ZNF853: variants seen among roughly 807,000 people sequenced by gnomAD.
ZNF853 encodes zinc finger protein 853.
Under a neutral mutation model 94.7 loss-of-function variants are expected in ZNF853, and 57 were observed. The ratio of observed to expected loss-of-function variants is 0.60; its 90% CI spans 0.49 to 0.75. ZNF853 has a LOEUF of 0.75. Ranked by LOEUF, ZNF853 falls within the 30% of genes least tolerant of loss-of-function variation. The pLI, the probability that ZNF853 is intolerant of heterozygous loss-of-function variation, is 0.00. For synonymous variants in ZNF853, 448 were observed against 406.3 expected (o/e 1.10, Z -1.23); for missense variants, 785 against 868.9 (o/e 0.90, Z 1.21).
At chr7:6,620,049 A>C in intron 2 of ZNF853, among the ~76,000 whole-genome samples, 1 of 152,200 alleles carries the variant, frequency 6.6e-6, no homozygotes, top group African/African-American at 2.4e-5. Flanking sequence ...GGCTCCAGGT[A>C]CTATGCCAGG....
chr7:6,622,753 C>G lies in ZNF853; in HGVS notation c.1762C>G (p.Arg588Gly). 6.4e-7 allele frequency: 1 copy of G among 1,552,060 alleles called. No homozygotes were observed. Among genetic ancestry groups the G allele is most frequent in the Non-Finnish European group, 8.7e-7 (1 of 1,151,282 alleles). The change falls in exon 3 of 3, where the codon CGG becomes GGG. Residue 588 changes from arginine to glycine, a missense_variant. By Grantham distance (125) the Arg-to-Gly change is moderately radical. Transcript: ENST00000457543. ...CGTCTCCTCCAACCTGCTGCGCCAC[C>G]GGCGCACGCACTCGGGCGAGCGGCC... ...FSVSSNLLRH[R>G]RTHSGERPYV... is the part of the protein sequence containing the mutation.
chr7:6,616,730 G>C, intron 1 of ZNF853, among the ~76,000 whole-genome samples: 1 of 149,180 alleles, frequency 6.7e-6, no homozygotes, highest in Admixed American at 6.7e-5. Flanking sequence ...GTGAGAATCC[G>C]TATCAAGAAA....
At position 6,623,074 on chromosome 7, in the gene ZNF853, A is replaced by G; in HGVS notation, c.*103A>G. Reference sequence around the variant, plus strand: ...ATGGGCGCTGGAGGCGTCCTGGAATATCCCTGGAGTAAAAGGCTTCCACCA... The same window carrying G: ...ATGGGCGCTGGAGGCGTCCTGGAATGTCCCTGGAGTAAAAGGCTTCCACCA... On this transcript the variant is annotated 3_prime_UTR_variant, in exon 3 of 3. Coordinates refer to ENST00000457543, the MANE Select transcript of ZNF853 (RefSeq NM_017560.3). The G allele has an allele frequency of 3.9e-6, 4 of 1,019,238 alleles. No individual in the cohort carries two copies. Among genetic ancestry groups the G allele is most frequent in the Non-Finnish European group, 5.0e-6 (4 of 793,264 alleles). The allele number at this position is 1,019,238 out of a possible 1,614,324, so 63.1% of individuals were successfully genotyped here.
At chr7:6,616,290 C>A in intron 1 of ZNF853, 104 bp downstream of exon 1, 1 of 1,209,054 alleles carries the variant, frequency 8.3e-7, no homozygotes, top group Non-Finnish European at 1.2e-6. Context: ...GAGGGGCCAG[C>A]TCTGCACGGG....
At position 6,622,244 on chromosome 7, in the gene ZNF853, C is replaced by A. The variant is rs1782637757; in HGVS notation, c.1253C>A (p.Ala418Asp). The change falls in exon 3 of 3, where the codon GCC becomes GAC. Residue 418 changes from alanine (A) to aspartate (D), a missense_variant. Coordinates refer to ENST00000457543, the MANE Select transcript of ZNF853 (RefSeq NM_017560.3). Reference sequence around the variant, plus strand: ...GAGCTGCAGCTGGAACTGGTGCCAGCCGCAGGGGGCGGCGGAGCGGCGGTC... The same window carrying A: ...GAGCTGCAGCTGGAACTGGTGCCAGACGCAGGGGGCGGCGGAGCGGCGGTC... ...QPELQLELVP[A>D]AGGGGAAVPG... 6.6e-7 allele frequency: 1 copy of A among 1,523,368 alleles called. No homozygotes were observed. Among genetic ancestry groups the A allele is most frequent in the African/African-American group, 1.4e-5 (1 of 72,634 alleles). 94.4% of individuals were successfully genotyped at this position (1,523,368 alleles called of 1,614,324 possible).
chr7:6,621,016 G>A, intron 2 of ZNF853, 106 bp from the exon 3 acceptor site: 38 of 1,364,848 alleles, frequency 2.8e-5, no homozygotes, highest in Middle Eastern at 4.0e-4. Context: ...TGCTAAGAGC[G>A]TGTTAGTGTA....
chr7:6,617,482 A>T, intron 2 of ZNF853, 175 bp downstream of exon 2: 1 of 683,496 alleles, frequency 1.5e-6, no homozygotes, highest in South Asian at 6.6e-5. Context: ...AGGCAGGCTG[A>T]GGCCAGGCTG....
intron 2 of ZNF853, among the ~76,000 whole-genome samples, chr7:6,618,376 A>C: frequency 6.6e-6 from 1 of 152,058 alleles, no homozygotes; most frequent in African/African-American, 2.4e-5. Context: ...TATACACGTC[A>C]GACAACACTG....
rs1279056440 is a variant in ZNF853 at position 6,623,290 on chromosome 7, A to G, written c.*319A>G. The G allele has an allele frequency of 5.0e-6, 2 of 398,502 alleles. No homozygotes were observed. Among genetic ancestry groups the G allele is most frequent in the African/African-American group, 2.1e-5 (1 of 48,600 alleles). The allele number at this position is 398,502 out of a possible 1,614,324, so 24.7% of individuals were successfully genotyped here. A position where few individuals can be genotyped will look rare whatever the true frequency, so the allele number is the denominator to read the frequency against. ...AAAACTGGACTTACTACGAACGAGG[A>G]AAAACCCCCAGTGGCGAGACGATTA... On this transcript the variant is annotated 3_prime_UTR_variant, in exon 3 of 3. Coordinates refer to ENST00000457543, the MANE Select transcript of ZNF853 (RefSeq NM_017560.3).
In ZNF853 at chr7:6,621,405, C is replaced by G; in HGVS notation, c.414C>G (p.His138Gln). The stretch of plus-strand genomic sequence containing the variant: ...TATCTCAACTACAACAGGAAAAACA[C>G]CAATCCGTGCACCATCAGGAACTGA... Reference protein sequence around the residue: ...QQLSQLQQEKHQSVHHQELKP... With the variant: ...QQLSQLQQEKQQSVHHQELKP... Residue 138 changes from histidine to glutamine, a missense_variant, in exon 3 of 3, where the codon CAC becomes CAG. Transcript: ENST00000457543. 1 of 1,551,728 alleles carries G rather than the reference C, an allele frequency of 6.4e-7. No homozygotes were observed. The highest frequency in any genetic ancestry group is 8.7e-7 in the Non-Finnish European group (1 of 1,147,018).
intron 2 of ZNF853, among the ~76,000 whole-genome samples, chr7:6,619,094 C>T: frequency 2.3e-5 from 3 of 131,322 alleles, no homozygotes; most frequent in East Asian, 2.2e-4. Flanking sequence ...GGCTGGATTG[C>T]GGTGGCTCAA....
At chr7:6,618,065 C>T in intron 2 of ZNF853, among the ~76,000 whole-genome samples, 1 of 151,936 alleles carries the variant, frequency 6.6e-6, no homozygotes, top group South Asian at 2.1e-4. Flanking sequence ...TTTGGGAGGC[C>T]GAGGCGGGCA....
rs553469352 is a variant in ZNF853, at chr7:6,624,290, A to G, written c.*1319A>G. On this transcript the variant is annotated 3_prime_UTR_variant, in exon 3 of 3. Transcript: ENST00000457543. ...AAATAAATTAAAATGCAGAAATACA[A>G]TGTCCTTGTCTTGGTGTTTTCACCT... The G allele has an allele frequency of 1.3e-5, 2 of 152,182 alleles. No individual in the cohort carries two copies. The highest frequency in any genetic ancestry group is 2.1e-4 in the South Asian group (1 of 4,812). 9.4% of individuals were successfully genotyped at this position (152,182 alleles called of 1,614,324 possible).
intron 2 of ZNF853, among the ~76,000 whole-genome samples, chr7:6,619,464 A>G: frequency 6.6e-6 from 1 of 151,634 alleles, no homozygotes; most frequent in Non-Finnish European, 1.5e-5. Flanking sequence ...TAGAGATAGG[A>G]TTTCGTCATG....
intron 2 of ZNF853, among the ~76,000 whole-genome samples, chr7:6,618,593 C>G: frequency 6.6e-6 from 1 of 151,928 alleles, no homozygotes; most frequent in African/African-American, 2.4e-5. Flanking sequence ...ACCTATAGTC[C>G]CAGCCACTTG....
At position 6,622,611 on chromosome 7, in the gene ZNF853, C is replaced by A; in HGVS notation, c.1620C>A (p.Pro540=). The change falls in exon 3 of 3, where the codon CCC becomes CCA. Residue 540 remains proline, a synonymous_variant. Transcript: ENST00000457543. ...AACGCATCCACACGGGCGAGAAACCCTACGCCTGCTCCTACTGCGCCAAGC... is the reference window on the plus strand; with the variant it reads ...AACGCATCCACACGGGCGAGAAACCATACGCCTGCTCCTACTGCGCCAAGC... ...THQRIHTGEK[P]YACSYCAKRF... 6.3e-7 allele frequency: 1 copy of A among 1,581,448 alleles called. No individual in the cohort carries two copies. The highest frequency in any genetic ancestry group is 2.3e-5 in the East Asian group (1 of 42,902).
In ZNF853 at chr7:6,622,873, C is replaced by T. The variant is rs1782665160; in HGVS notation, c.1882C>T (p.Leu628Phe). ...GCACGGCGCGGGCCGCTCCAGGGGC[C>T]TCGGCCTGCTGCGCGCCTCGCGGCC... The part of the protein sequence containing the change: ...QLHGAGRSRG[L>F]GLLRASRPAA... Residue 628 changes from leucine (L) to phenylalanine (F), a missense_variant, in exon 3 of 3, where the codon CTC becomes TTC. Coordinates refer to ENST00000457543, the MANE Select transcript of ZNF853 (RefSeq NM_017560.3). The T allele has an allele frequency of 2.2e-6, 3 of 1,365,762 alleles. No homozygotes were observed. The highest frequency in any genetic ancestry group is 1.6e-5 in the African/African-American group (1 of 64,446). The allele number at this position is 1,365,762 out of a possible 1,614,324, so 84.6% of individuals were successfully genotyped here. A position where few individuals can be genotyped will look rare whatever the true frequency, so the allele number is the denominator to read the frequency against.
Position 6,616,200 on chromosome 7 carries a change from G to C in ZNF853, c.12+14G>C. 1 of 1,547,914 alleles carries C rather than the reference G, an allele frequency of 6.5e-7. No homozygotes were observed. The highest frequency in any genetic ancestry group is 8.7e-7 in the Non-Finnish European group (1 of 1,144,822). On this transcript the variant is annotated intron_variant, in intron 1 of 2. Coordinates refer to ENST00000457543, the MANE Select transcript of ZNF853 (RefSeq NM_017560.3). The stretch of plus-strand genomic sequence containing the variant: ...ATGCTCCACCAGGTGAGGCCCAGGG[G>C]GTCGTTGGCGCTGGGCAACCGGGGA...
Position 6,621,589 on chromosome 7 carries a change from G to C in ZNF853, c.598G>C (p.Glu200Gln). The change falls in exon 3 of 3, where the codon GAG becomes CAG. Residue 200 changes from glutamate (E) to glutamine (Q), a missense_variant. By Grantham distance (29) the Glu-to-Gln change is conservative. Transcript: ENST00000457543. ...GGAACAGCTACAGCAGCAAGTGCAA[G>C]AGCAACAGCTGTTACAGCAACAGCA... ...QQEQLQQQVQ[E>Q]QQLLQQQQEQ... 6.4e-7 allele frequency: 1 copy of C among 1,551,192 alleles called. No individual in the cohort carries two copies. The highest frequency in any genetic ancestry group is 1.4e-5 in the African/African-American group (1 of 73,082).
Sources: allele counts gnomAD v4.1 joint callset (sites outside exome capture counted in the v4.1 genomes callset), GRCh38; gene constraint gnomAD v4.1.1; transcripts MANE v1.5; gene names NCBI Gene and HGNC (gene_info 2026-07-23, HGNC 2026-07-21).